Variants in ATM observed in about 807,000 individuals in gnomAD.
ATM encodes the protein ATM serine/threonine kinase, also known as serine-protein kinase ATM.
ATM carries 308 observed loss-of-function variants against 387.0 expected under a neutral mutation model. The ratio of observed to expected loss-of-function variants is 0.80; its 90% confidence interval spans 0.73 to 0.87. ATM has a LOEUF of 0.87. Among genes scored for constraint, ATM ranks in the 40% least tolerant of loss-of-function variants. The pLI, the probability that ATM is intolerant of heterozygous loss-of-function variation, is 0.00. For synonymous variants in ATM, 1,156 were observed against 1,187.3 expected, an observed-to-expected ratio of 0.97 and a Z score of 0.54; for missense variants, 3,312 against 3,560.9, an observed-to-expected ratio of 0.93 and a Z score of 1.78.
chr11:108,261,518 C>T (rs1012600422), intron 16 of ATM, among the ~76,000 whole-genome samples: 4 of 152,066 alleles, frequency 2.6e-5, no homozygotes, highest in African/African-American at 9.7e-5. Flanking sequence ...GTAGATAAAA[C>T]CACAAAGATG....
At chr11:108,359,407 G>T (rs539071009) in intron 61 of ATM, among the ~76,000 whole-genome samples, 30 of 152,054 alleles carry the variant, frequency 2.0e-4, no homozygotes, top group Middle Eastern at 3.4e-3. Context: ...AGTCAACAAG[G>T]ATACCCAGGA....
intron 37 of ATM, among the ~76,000 whole-genome samples, chr11:108,306,722 G>T (rs1018938851): frequency 1.8e-4 from 27 of 152,190 alleles, no homozygotes; most frequent in African/African-American, 6.3e-4. Context: ...TATCTTTTCT[G>T]ATGGCTATAA....
In ATM at chr11:108,326,109, G is replaced by A. The variant is rs1181779478; in HGVS notation, c.6859G>A (p.Gly2287Arg). The A allele has an allele frequency of 6.2e-7, 1 of 1,614,094 alleles. No individual in the cohort carries two copies. Among genetic ancestry groups the A allele is most frequent in the Non-Finnish European group, 8.5e-7 (1 of 1,180,006 alleles). The part of the protein sequence containing the change: ...QIKQYNSVSC[G>R]VSEWQLEEAQ... The stretch of plus-strand genomic sequence containing the variant: ...TAAACAGTACAATTCAGTTAGCTGT[G>A]GAGTCTCTGAGTGGCAGCTGGAAGA... Residue 2287 changes from glycine (G) to arginine (R), a missense_variant, in exon 47 of 63, where the codon GGA becomes AGA. Transcript: ENST00000675843.
intron 16 of ATM, among the ~76,000 whole-genome samples, chr11:108,263,001 A>G (rs1217089445): frequency 1.3e-5 from 2 of 152,164 alleles, no homozygotes; most frequent in African/African-American, 2.4e-5. Flanking sequence ...TGAGTGACCT[A>G]CAAACAGACT....
rs1292833282 is a variant in ATM at position 108,320,047 on chromosome 11, C to G, written c.6441C>G (p.Leu2147=). The change falls in exon 44 of 63, where the codon CTC becomes CTG. Residue 2147 remains leucine (L), a synonymous_variant. Coordinates refer to ENST00000675843, the MANE Select transcript of ATM (RefSeq NM_000051.4). ...DREFSTFYES[L]KYARVKEVEE... is the part of the protein sequence containing the mutation. ...AATTCTCTACATTTTATGAAAGTCT[C>G]AAATATGCCAGGTATTATGAAAAGA... The G allele has an allele frequency of 6.3e-7, 1 of 1,590,936 alleles. No individual in the cohort carries two copies. Among genetic ancestry groups the G allele is most frequent in the South Asian group, 1.1e-5 (1 of 90,572 alleles).
chr11:108,343,466 T>A (rs2136962603), intron 57 of ATM, 95 bp downstream of exon 57: 4 of 1,447,078 alleles, frequency 2.8e-6, no homozygotes, highest in Admixed American at 1.9e-5. Context: ...AAAAAAACTT[T>A]AATTTCATCA....
intron 61 of ATM, among the ~76,000 whole-genome samples, chr11:108,364,763 A>G (rs1297421811): frequency 6.6e-6 from 1 of 152,194 alleles, no homozygotes; most frequent in African/African-American, 2.4e-5. Flanking sequence ...AAATACACTA[A>G]CCCAGGGTTA....
chr11:108,332,969 T>C lies in ATM; in HGVS notation c.7927+69T>C, dbSNP rs140400673. On this transcript the variant is annotated intron_variant, in intron 53 of 62. Coordinates refer to ENST00000675843, the MANE Select transcript of ATM (RefSeq NM_000051.4). ...ACTCTCTGTAGAGATATATTAGTTA[T>C]AGAGCCTAATAAGTAAATCTGCTTA... The C allele has an allele frequency of 2.1e-3, 3,293 of 1,537,392 alleles. 34 individuals carry two copies. The African/African-American group carries it at 0.025, about 12-fold the overall frequency.
intron 53 of ATM, 80 bp from the exon 54 acceptor site, chr11:108,333,806 G>A (rs986133075): frequency 1.5e-5 from 17 of 1,104,630 alleles, no homozygotes; most frequent in Non-Finnish European, 2.4e-5. Flanking sequence ...TGGGGCCAGT[G>A]GTATCTGCTG....
At chr11:108,316,403 G>A (rs1188981683) in intron 42 of ATM, among the ~76,000 whole-genome samples, 3 of 152,084 alleles carry the variant, frequency 2.0e-5, no homozygotes, top group Admixed American at 6.5e-5. Context: ...GACATTGCTC[G>A]AGCATATACA....
intron 27 of ATM, among the ~76,000 whole-genome samples, chr11:108,288,357 G>A (rs895958507): frequency 1.3e-5 from 2 of 152,232 alleles, no homozygotes; most frequent in African/African-American, 4.8e-5. Context: ...CTACAGGCAT[G>A]AGCCGCCGTA....
At chr11:108,236,684 A>G (rs967364547) in intron 5 of ATM, 12 of 152,250 alleles carry the variant, frequency 7.9e-5, no homozygotes, top group Non-Finnish European at 1.2e-4. Flanking sequence ...AATCAAATAT[A>G]TTAGAATAGA....
In ATM at chr11:108,347,247, G is replaced by C. The variant is rs765908655; in HGVS notation, c.8585-32G>C. On this transcript the variant is annotated intron_variant, in intron 58 of 62. Coordinates refer to ENST00000675843, the MANE Select transcript of ATM (RefSeq NM_000051.4). Reference sequence around the variant, plus strand: ...TATATTAGAAAGAGATGGAATCAGTGATTTCAGATTGTTTGTTTCTTTTTT... The same window carrying C: ...TATATTAGAAAGAGATGGAATCAGTCATTTCAGATTGTTTGTTTCTTTTTT... 2.1e-6 allele frequency: 3 copies of C among 1,443,488 alleles called. No individual in the cohort carries two copies. In the East Asian group the frequency reaches 6.8e-5, roughly 33 times the overall value. The allele number at this position is 1,443,488 out of a possible 1,614,324, so 89.4% of individuals were successfully genotyped here.
At chr11:108,266,690 A>G (rs1013411242) in intron 16 of ATM, among the ~76,000 whole-genome samples, 2 of 152,182 alleles carry the variant, frequency 1.3e-5, no homozygotes, top group Non-Finnish European at 2.9e-5. Context: ...TAGACATATT[A>G]CAGGTTATAT....
intron 36 of ATM, 71 bp from the exon 37 acceptor site, chr11:108,304,604 T>C: frequency 1.4e-6 from 2 of 1,469,510 alleles, no homozygotes; most frequent in African/African-American, 1.4e-5. Context: ...GGCATGAAAA[T>C]TTTAAGTAAA....
chr11:108,315,774 A>G (rs1591775699), intron 40 of ATM, 49 bp from the exon 41 acceptor site: 2 of 1,474,408 alleles, frequency 1.4e-6, no homozygotes, highest in Non-Finnish European at 1.9e-6. Flanking sequence ...CTAAATTTAT[A>G]GACCGATTTT....
chr11:108,308,976 A>G (rs1368046378), intron 38 of ATM: 1 of 1,516,320 alleles, frequency 6.6e-7, no homozygotes, highest in Non-Finnish European at 8.9e-7. Context: ...CAGACTTACC[A>G]TTGGGGTAGA....
intron 29 of ATM, among the ~76,000 whole-genome samples, chr11:108,290,863 G>C (rs2082752401): frequency 6.7e-6 from 1 of 148,930 alleles, no homozygotes; most frequent in Non-Finnish European, 1.5e-5. Context: ...TCCAATTCTA[G>C]AAATCTTAAG....
chr11:108,249,060 A>T lies in ATM; in HGVS notation c.1193A>T (p.Asp398Val), dbSNP rs1312342238. ...KIELGWEVIK[D>V]HLQKSQNDFD... is the part of the protein sequence containing the mutation. ...GAACTAGGCTGGGAAGTAATAAAAGATCACCTTCAGAAGTCACAGAATGAT... is the reference window on the plus strand; with the variant it reads ...GAACTAGGCTGGGAAGTAATAAAAGTTCACCTTCAGAAGTCACAGAATGAT... The change falls in exon 9 of 63, where the codon GAT becomes GTT. Residue 398 changes from aspartate (D) to valine (V), a missense_variant. Coordinates refer to ENST00000675843, the MANE Select transcript of ATM (RefSeq NM_000051.4). 1 of 1,614,078 alleles carries T rather than the reference A, an allele frequency of 6.2e-7. No individual in the cohort carries two copies.
Sources: allele counts gnomAD v4.1 joint callset (sites outside exome capture counted in the v4.1 genomes callset), GRCh38; gene constraint gnomAD v4.1.1; transcripts MANE v1.5; gene names NCBI Gene and HGNC (gene_info 2026-07-23, HGNC 2026-07-21).